CBLN2: variants seen among roughly 807,000 people sequenced by gnomAD.
The protein encoded by CBLN2 is cerebellin 2 precursor.
A neutral mutation model predicts 15.0 loss-of-function variants in CBLN2; 7 were observed. The ratio of observed to expected loss-of-function variants is 0.47; its 90% CI spans 0.27 to 0.88. CBLN2 has a LOEUF of 0.88. CBLN2 is among the 40% of genes least tolerant of loss of function. The pLI, the probability that CBLN2 is intolerant of heterozygous loss-of-function variation, is 0.14. For missense variants in CBLN2, 242 were observed against 304.5 expected (o/e 0.79, Z 1.53); for synonymous variants, 149 against 135.2 (o/e 1.10, Z -0.71).
chr18:72,576,677 G>C (rs550006587), intron 1 of CBLN2, among the ~76,000 whole-genome samples: 1 of 152,088 alleles, frequency 6.6e-6, no homozygotes, highest in East Asian at 1.9e-4. Context: ...TTCTGTGCAA[G>C]AGTCTGTGCT....
chr18:72,638,276 C>T (rs1194082267), intron 1 of CBLN2: 4 of 398,432 alleles, frequency 1.0e-5, no homozygotes, highest in Non-Finnish European at 1.8e-5. Flanking sequence ...CTGACCTTTG[C>T]TAGGATAAAA....
chr18:72,601,300 C>T (rs1367749209), intron 1 of CBLN2, among the ~76,000 whole-genome samples: 1 of 152,182 alleles, frequency 6.6e-6, no homozygotes, highest in Non-Finnish European at 1.5e-5. Context: ...TGTCAGATTA[C>T]TCTTACTGTC....
chr18:72,545,081 A>G (rs1216081880), upstream of CBLN2, among the ~76,000 whole-genome samples: 2 of 152,166 alleles, frequency 1.3e-5, no homozygotes, highest in Non-Finnish European at 2.9e-5. Flanking sequence ...TCCCCTTTGA[A>G]GATTTCAGCA....
chr18:72,574,750 T>C (rs1012816980), intron 1 of CBLN2, among the ~76,000 whole-genome samples: 1 of 152,176 alleles, frequency 6.6e-6, no homozygotes, highest in Admixed American at 6.5e-5. Context: ...AAAGCGGTGC[T>C]GGGTGTCTGG....
chr18:72,598,281 C>T (rs2069525840), intron 1 of CBLN2, among the ~76,000 whole-genome samples: 1 of 152,178 alleles, frequency 6.6e-6, no homozygotes. Flanking sequence ...GCCATGACTG[C>T]ATCCTTCTCA....
intron 1 of CBLN2, among the ~76,000 whole-genome samples, chr18:72,598,672 T>A (rs753539440): frequency 7.2e-5 from 11 of 152,214 alleles, no homozygotes; most frequent in Non-Finnish European, 2.9e-5. Flanking sequence ...TTCTAGTTCG[T>A]TTCAGAACCC....
At chr18:72,568,110 TC>T (rs1422666108) in intron 1 of CBLN2, among the ~76,000 whole-genome samples, 1 of 152,138 alleles carries the variant, frequency 6.6e-6, no homozygotes, top group African/African-American at 2.4e-5. Context: ...TGCCGCTATA[TC>T]CATTATTCAT....
intron 3 of CBLN2, among the ~76,000 whole-genome samples, chr18:72,541,095 T>C (rs1043466722): frequency 5.0e-4 from 76 of 152,356 alleles, no homozygotes; most frequent in African/African-American, 1.7e-3. Context: ...TTGAACCAAA[T>C]GGCATAAGTT....
intron 1 of CBLN2, among the ~76,000 whole-genome samples, chr18:72,590,922 A>G (rs1336297559): frequency 1.3e-5 from 2 of 152,226 alleles, no homozygotes; most frequent in Non-Finnish European, 1.5e-5. Context: ...TATCTTGGAT[A>G]ATTTGAACTA....
chr18:72,615,209 TGTG>T (rs2069651529), intron 1 of CBLN2, among the ~76,000 whole-genome samples: 1 of 137,646 alleles, frequency 7.3e-6, no homozygotes, highest in Non-Finnish European at 1.5e-5. Flanking sequence ...TATTTATATA[TGTG>T]TATATATATG....
intron 1 of CBLN2, among the ~76,000 whole-genome samples, chr18:72,591,682 C>A (rs1011366000): frequency 6.6e-6 from 1 of 152,100 alleles, no homozygotes; most frequent in African/African-American, 2.4e-5. Flanking sequence ...CATCATTCTA[C>A]TCTCTATCTC....
At chr18:72,580,994 C>T (rs1382542332) in intron 1 of CBLN2, among the ~76,000 whole-genome samples, 1 of 152,160 alleles carries the variant, frequency 6.6e-6, no homozygotes, top group East Asian at 1.9e-4. Context: ...AGAACCCTCC[C>T]ACCCTTGATA....
rs545521659 is a variant in CBLN2, at chr18:72,543,377, C to T, written c.-167+109G>A. 5.1e-6 allele frequency: 2 copies of T among 392,582 alleles called. No homozygotes were observed. The highest frequency in any genetic ancestry group is 3.6e-5 in the East Asian group (1 of 27,614). 24.3% of individuals were successfully genotyped at this position (392,582 alleles called of 1,614,324 possible). ...GCCCCGATCCTACATGATTTCCCTT[C>T]TCTCTCTCCACCTCCTCCACCCCTC... On this transcript the variant is annotated intron_variant, in intron 2 of 4. Transcript: ENST00000269503. The surrounding 1 kb of genome is among the most constrained non-coding windows in gnomAD (Gnocchi z 6.8).
intron 1 of CBLN2, among the ~76,000 whole-genome samples, chr18:72,561,820 C>T (rs936742632): frequency 1.3e-5 from 2 of 152,190 alleles, no homozygotes; most frequent in African/African-American, 4.8e-5. Context: ...AGCATGAGGG[C>T]TTAAAATTAC....
rs2069121065 is a variant in CBLN2 at position 72,542,242 on chromosome 18, A to G, written c.-82T>C. ...CGGAAGGGCGCGAAGGAACGCGCGG[A>G]GCTCGCAGCAGCCTCCGGGGGCCTT... On this transcript the variant is annotated 5_prime_UTR_variant, in exon 3 of 5. Transcript: ENST00000269503. 3 of 933,078 alleles carry G rather than the reference A, an allele frequency of 3.2e-6. No homozygotes were observed. Among genetic ancestry groups the G allele is most frequent in the Admixed American group, 4.8e-5 (1 of 20,986 alleles). 57.8% of individuals were successfully genotyped at this position (933,078 alleles called of 1,614,324 possible). A position where few individuals can be genotyped will look rare whatever the true frequency, so the allele number is the denominator to read the frequency against.
intron 1 of CBLN2, among the ~76,000 whole-genome samples, chr18:72,617,134 C>G (rs1464421809): frequency 1.3e-5 from 2 of 152,164 alleles, no homozygotes; most frequent in Non-Finnish European, 2.9e-5. Context: ...ACTCACACAT[C>G]TTAATACATG....
At position 72,542,205 on chromosome 18, in the gene CBLN2, G is replaced by T; in HGVS notation, c.-45C>A. 8.6e-7 allele frequency: 1 copy of T among 1,158,554 alleles called. No homozygotes were observed. The highest frequency in any genetic ancestry group is 3.5e-4 in the Middle Eastern group (1 of 2,876). The allele number at this position is 1,158,554 out of a possible 1,614,324, so 71.8% of individuals were successfully genotyped here. ...CGCGCGGGGGTGGAGGCCGGCGCCG[G>T]CGCGAGCGGCGCGGAAGGGCGCGAA... On this transcript the variant is annotated 5_prime_UTR_variant, in exon 3 of 5. Coordinates refer to ENST00000269503, the MANE Select transcript of CBLN2 (RefSeq NM_182511.4).
chr18:72,546,620 A>C (rs1010351782), upstream of CBLN2, among the ~76,000 whole-genome samples: 5 of 152,182 alleles, frequency 3.3e-5, no homozygotes, highest in African/African-American at 1.2e-4. Context: ...TAGAACATTA[A>C]TAGTGGACAT....
intron 1 of CBLN2, among the ~76,000 whole-genome samples, chr18:72,582,779 C>T (rs1198214566): frequency 5.3e-5 from 8 of 152,110 alleles, no homozygotes; most frequent in Admixed American, 5.2e-4. Flanking sequence ...GGATCATGCT[C>T]AGATTAAACC....
Sources: allele counts gnomAD v4.1 joint callset (sites outside exome capture counted in the v4.1 genomes callset), GRCh38; gene constraint gnomAD v4.1.1; non-coding constraint Gnocchi (gnomAD v3.1); transcripts MANE v1.5; gene names NCBI Gene and HGNC (gene_info 2026-07-23, HGNC 2026-07-21).